CREBZF: variants seen among roughly 807,000 people sequenced by gnomAD.
The protein encoded by CREBZF is HCF-binding transcription factor Zhangfei.
CREBZF carries 8 observed loss-of-function variants against 21.1 expected under a neutral mutation model. The observed-to-expected ratio is 0.38, with a 90% CI of 0.22 to 0.68. The LOEUF (loss-of-function observed/expected upper bound fraction) is 0.68. CREBZF is among the 30% of genes least tolerant of loss of function. The pLI, the probability that CREBZF is intolerant of heterozygous loss-of-function variation, is 0.51. For synonymous variants in CREBZF, 270 were observed against 223.3 expected, an observed-to-expected ratio of 1.21 and a Z score of -1.86; for missense variants, 518 against 484.3, an observed-to-expected ratio of 1.07 and a Z score of -0.65.
At chr11:85,667,319 C>T (rs1003576094), upstream of CREBZF, among the ~76,000 whole-genome samples, 5 of 152,114 alleles carry the variant, frequency 3.3e-5, no homozygotes, top group Admixed American at 1.3e-4. Flanking sequence ...GTGATCTGCC[C>T]GACTCAGCCT....
rs770965733 is a variant in CREBZF at position 85,660,464 on chromosome 11, T to G, written c.*3347A>C. 1 of 387,294 alleles carries G rather than the reference T, an allele frequency of 2.6e-6. No individual in the cohort carries two copies. Among genetic ancestry groups the G allele is most frequent in the African/African-American group, 2.1e-5 (1 of 46,618 alleles). The allele number at this position is 387,294 out of a possible 1,614,324, so 24.0% of individuals were successfully genotyped here. The stretch of plus-strand genomic sequence containing the variant: ...ATCAGTATAGAAGTAATTTGGGAAC[T>G]TGAAAATGGCATTCATTTTTTTCAG... On this transcript the variant is annotated 3_prime_UTR_variant, in exon 1 of 1. Transcript: ENST00000527447.
At chr11:85,673,269 T>C (rs2082923737) in intron 1 of CREBZF, among the ~76,000 whole-genome samples, 1 of 152,164 alleles carries the variant, frequency 6.6e-6, no homozygotes, top group African/African-American at 2.4e-5. Flanking sequence ...GGGAATGGGT[T>C]AGTGTTTTTC....
chr11:85,665,124 G>A lies in CREBZF; in HGVS notation c.-249C>T, dbSNP rs2153326688. 3 of 413,600 alleles carry A rather than the reference G, an allele frequency of 7.3e-6. No individual in the cohort carries two copies. Among genetic ancestry groups the A allele is most frequent in the Non-Finnish European group, 1.3e-5 (3 of 226,960 alleles). The allele number at this position is 413,600 out of a possible 1,614,324, so 25.6% of individuals were successfully genotyped here. A position where few individuals can be genotyped will look rare whatever the true frequency, so the allele number is the denominator to read the frequency against. ...CGCCACCCAGACAACGGCGTAGCCG[G>A]AAGTCAGTGGTTTTCGCCCCAGTCC... On this transcript the variant is annotated 5_prime_UTR_variant, in exon 1 of 1. Transcript: ENST00000527447.
chr11:85,682,625 CAGACGCGCTCT>C, intron 1 of CREBZF: 1 of 375,864 alleles, frequency 2.7e-6, no homozygotes, highest in South Asian at 3.0e-5. Flanking sequence ...CGCGATCTTC[CAGACGCGCTCT>C]TCCCCCATAT....
rs1262598993 is a variant in CREBZF, at chr11:85,659,829, A to T, written c.*3982T>A. 6.6e-6 allele frequency: 1 copy of T among 152,074 alleles called. No homozygotes were observed. The highest frequency in any genetic ancestry group is 1.9e-4 in the East Asian group (1 of 5,198). 9.4% of individuals were successfully genotyped at this position (152,074 alleles called of 1,614,324 possible). ...AAAGTCCTTATACAACACTAGATAA[A>T]TTTTTATATAAAACAGTAGAAACTA... On this transcript the variant is annotated 3_prime_UTR_variant, in exon 1 of 1. Transcript: ENST00000527447.
chr11:85,665,241 C>T (rs912159937), upstream of CREBZF: 16 of 256,770 alleles, frequency 6.2e-5, no homozygotes, highest in Non-Finnish European at 1.5e-5. Context: ...CTAGTGATGT[C>T]ATAATAACAG....
intron 1 of CREBZF, among the ~76,000 whole-genome samples, chr11:85,681,700 C>G (rs982173319): frequency 1.3e-5 from 2 of 152,220 alleles, no homozygotes; most frequent in African/African-American, 4.8e-5. Flanking sequence ...GGATATAGGT[C>G]TGCTTTAGAA....
chr11:85,666,946 C>A (rs1392756394), upstream of CREBZF, among the ~76,000 whole-genome samples: 1 of 152,192 alleles, frequency 6.6e-6, no homozygotes, highest in Non-Finnish European at 1.5e-5. Context: ...ATACTCTGGC[C>A]TCCCTTGAGT....
chr11:85,680,440 T>C (rs929242348), intron 1 of CREBZF, among the ~76,000 whole-genome samples: 1 of 152,176 alleles, frequency 6.6e-6, no homozygotes. Flanking sequence ...TAAGAGTGGA[T>C]TAGATCATCA....
Position 85,659,296 on chromosome 11 carries a change from T to C in CREBZF, c.*4515A>G, listed in dbSNP as rs1245216832. 5.3e-5 allele frequency among the ~76,000 whole-genome samples: 8 copies of C among 152,050 alleles called. No individual in the cohort carries two copies. The highest frequency in any genetic ancestry group is 3.3e-4 in the Admixed American group (5 of 15,252). On this transcript the variant is annotated 3_prime_UTR_variant, in exon 1 of 1. Transcript: ENST00000527447. ...TACACATTCAAAATGCTGAACTAGA[T>C]AATCACATATTAAAAAGGTAATGAC...
At chr11:85,677,069 T>C (rs748638399) in intron 1 of CREBZF, among the ~76,000 whole-genome samples, 3 of 147,592 alleles carry the variant, frequency 2.0e-5, no homozygotes, top group Non-Finnish European at 4.4e-5. Flanking sequence ...GTTCAAGCAA[T>C]TCTCCTGCCT....
At chr11:85,670,279 C>G (rs1441005520) in intron 1 of CREBZF, among the ~76,000 whole-genome samples, 2 of 121,080 alleles carry the variant, frequency 1.7e-5, no homozygotes, top group Non-Finnish European at 3.4e-5. Flanking sequence ...ATCCCCCCCC[C>G]CCACAATAAG....
Position 85,663,517 on chromosome 11 carries a change from T to C in CREBZF, c.*294A>G. 1.0e-6 allele frequency: 1 copy of C among 1,000,378 alleles called. No individual in the cohort carries two copies. Among genetic ancestry groups the C allele is most frequent in the East Asian group, 2.6e-5 (1 of 38,458 alleles). 62.0% of individuals were successfully genotyped at this position (1,000,378 alleles called of 1,614,324 possible). A position where few individuals can be genotyped will look rare whatever the true frequency, so the allele number is the denominator to read the frequency against. On this transcript the variant is annotated 3_prime_UTR_variant, in exon 1 of 1. Transcript: ENST00000527447. ...CATGAGCGTTACGGGAAGAGATGGA[T>C]CCTTACCAGGTTGTGAGGCGGGAAC...
intron 1 of CREBZF, among the ~76,000 whole-genome samples, chr11:85,675,265 C>A (rs1253105024): frequency 6.6e-6 from 1 of 152,224 alleles, no homozygotes; most frequent in Non-Finnish European, 1.5e-5. Context: ...AACACACCAT[C>A]CTCACTAAGT....
At chr11:85,680,939 G>A (rs1017368844) in intron 1 of CREBZF, among the ~76,000 whole-genome samples, 11 of 152,188 alleles carry the variant, frequency 7.2e-5, no homozygotes, top group African/African-American at 2.7e-4. Context: ...CCCTGCCTTT[G>A]CCAGGTAGTC....
Position 85,664,500 on chromosome 11 carries a change from A to G in CREBZF, c.376T>C (p.Ser126Pro). 1 of 1,613,548 alleles carries G rather than the reference A, an allele frequency of 6.2e-7. No individual in the cohort carries two copies. Among genetic ancestry groups the G allele is most frequent in the South Asian group, 1.1e-5 (1 of 91,056 alleles). ...PDWHLDPGLS[S>P]PGPLSSSGGG... ...CCAGACGAGGAGAGAGGCCCCGGCG[A>G]GCTAAGCCCGGGGTCCAGGTGCCAG... Residue 126 changes from serine (S) to proline (P), a missense_variant, in exon 1 of 1, where the codon TCG becomes CCG. By Grantham distance (74) the Ser-to-Pro change is moderately conservative (BLOSUM62 -1). Transcript: ENST00000527447. This position sits in a 1 kb window ranked among gnomAD's most constrained non-coding sequence, Gnocchi z 5.5.
At chr11:85,672,933 C>T (rs2153329248) in intron 1 of CREBZF, among the ~76,000 whole-genome samples, 1 of 152,242 alleles carries the variant, frequency 6.6e-6, no homozygotes, top group South Asian at 2.1e-4. Context: ...GAATGGACAT[C>T]GAGATGCTGT....
upstream of CREBZF, among the ~76,000 whole-genome samples, chr11:85,667,525 T>A (rs1253609961): frequency 6.6e-6 from 1 of 152,260 alleles, no homozygotes; most frequent in Non-Finnish European, 1.5e-5. Flanking sequence ...TTTTTCTTCT[T>A]GATTTATGTG....
upstream of CREBZF, among the ~76,000 whole-genome samples, chr11:85,666,983 C>T (rs1276582334): frequency 6.6e-6 from 1 of 152,148 alleles, no homozygotes; most frequent in African/African-American, 2.4e-5. Context: ...GCTGGTAATC[C>T]CATCCAACTA....
Sources: allele counts gnomAD v4.1 joint callset (sites outside exome capture counted in the v4.1 genomes callset), GRCh38; gene constraint gnomAD v4.1.1; non-coding constraint Gnocchi (gnomAD v3.1); transcripts MANE v1.5; gene names NCBI Gene and HGNC (gene_info 2026-07-23, HGNC 2026-07-21).